Variants in DDX54 observed in about 807,000 individuals in gnomAD.
DDX54 encodes DEAD-box helicase 54, also known as ATP-dependent RNA helicase DDX54.
A neutral mutation model predicts 105.5 loss-of-function variants in DDX54; 67 were observed. The ratio of observed to expected loss-of-function variants is 0.64; its 90% CI spans 0.52 to 0.78. The LOEUF (loss-of-function observed/expected upper bound fraction) is 0.78. Ranked by LOEUF, DDX54 falls within the 30% of genes least tolerant of loss-of-function variation. DDX54 has a pLI of 0.00. For synonymous variants in DDX54, 514 were observed against 509.9 expected (o/e 1.01, Z -0.11); for missense variants, 1,206 against 1,230.5 (o/e 0.98, Z 0.30).
chr12:113,174,084 CAGG>C (rs1388240014), intron 10 of DDX54, among the ~76,000 whole-genome samples: 4 of 150,950 alleles, frequency 2.6e-5, no homozygotes, highest in Admixed American at 2.6e-4. Flanking sequence ...GAGGATGAGG[CAGG>C]AGAATCACTT....
Position 113,161,264 on chromosome 12 carries a change from T to G in DDX54, c.2413+6A>C, listed in dbSNP as rs1191982047. On this transcript the variant is annotated splice_donor_region_variant and intron_variant, in intron 19 of 19. Transcript: ENST00000306014. ...GTGCACCCACACTCCCCACCCTGGC[T>G]CTCACCTTGGCCACGGTCTCGCTTC... The G allele has an allele frequency of 5.6e-6, 9 of 1,609,140 alleles. No individual in the cohort carries two copies. Among genetic ancestry groups the G allele is most frequent in the Non-Finnish European group, 7.6e-6 (9 of 1,176,870 alleles).
At chr12:113,166,485 G>A (rs1402440179) in intron 12 of DDX54, among the ~76,000 whole-genome samples, 11 of 152,184 alleles carry the variant, frequency 7.2e-5, no homozygotes, top group African/African-American at 2.2e-4. Context: ...AGGATCACTT[G>A]AGGCCAGGAA....
At chr12:113,164,954 G>T (rs991196586) in intron 14 of DDX54, among the ~76,000 whole-genome samples, 13 of 150,318 alleles carry the variant, frequency 8.6e-5, no homozygotes, top group Non-Finnish European at 1.9e-4. Context: ...TTGAGCCCAG[G>T]AGGTCAAGGC....
intron 17 of DDX54, among the ~76,000 whole-genome samples, chr12:113,162,455 C>T (rs960352872): frequency 1.3e-5 from 2 of 152,200 alleles, no homozygotes; most frequent in Non-Finnish European, 2.9e-5. Flanking sequence ...ACAGCACAGC[C>T]AGGGGCCATC....
At chr12:113,179,114 C>T (rs1386339121) in intron 4 of DDX54, 29 bp downstream of exon 4, 2 of 1,613,482 alleles carry the variant, frequency 1.2e-6, no homozygotes, top group Admixed American at 1.7e-5. Context: ...CAGCCCTTGC[C>T]TCCAGCCTCT....
chr12:113,173,433 T>C (rs1011235415), intron 10 of DDX54, among the ~76,000 whole-genome samples: 1 of 152,204 alleles, frequency 6.6e-6, no homozygotes, highest in Non-Finnish European at 1.5e-5. Context: ...GGGAGTGTTG[T>C]TAACTGTGTG....
At chr12:113,174,537 G>A (rs1952375677) in intron 10 of DDX54, 103 bp downstream of exon 10, 8 of 1,473,234 alleles carry the variant, frequency 5.4e-6, no homozygotes, top group East Asian at 2.4e-5. Context: ...CCAGGCCCAG[G>A]CTCCTGGTCC....
At chr12:113,172,691 C>A in intron 10 of DDX54, 128 bp from the exon 11 acceptor site, 1 of 1,173,134 alleles carries the variant, frequency 8.5e-7, no homozygotes. Flanking sequence ...AGTCTGGCAC[C>A]CTTGGTCTGA....
chr12:113,178,981 C>T lies in DDX54; in HGVS notation c.610G>A (p.Asp204Asn), dbSNP rs1482760348. The change falls in exon 5 of 20, where the codon GAC becomes AAC. Residue 204 changes from aspartate (D) to asparagine (N), a missense_variant. Asp to Asn is a conservative substitution (Grantham distance 23, BLOSUM62 1). Coordinates refer to ENST00000306014, the MANE Select transcript of DDX54 (RefSeq NM_024072.4). Reference sequence around the variant, plus strand: ...CATGGGGTGCAGGGACCTTACCTGTCTCCACCCAGGATCAGGGCAGTCTTG... The same window carrying T: ...CATGGGGTGCAGGGACCTTACCTGTTTCCACCCAGGATCAGGGCAGTCTTG... The part of the protein sequence containing the change: ...GLKTALILGG[D>N]RMEDQFAALH... 1.9e-6 allele frequency: 3 copies of T among 1,614,080 alleles called. No individual in the cohort carries two copies. The highest frequency in any genetic ancestry group is 2.2e-5 in the East Asian group (1 of 44,888).
intron 1 of DDX54, among the ~76,000 whole-genome samples, chr12:113,182,345 G>A (rs766561181): frequency 3.9e-5 from 6 of 152,042 alleles, no homozygotes; most frequent in African/African-American, 7.2e-5. Flanking sequence ...AGTTTAGAAC[G>A]GTTTTTACTT....
chr12:113,170,177 G>A (rs747632263), intron 11 of DDX54, among the ~76,000 whole-genome samples: 7 of 152,192 alleles, frequency 4.6e-5, no homozygotes, highest in Non-Finnish European at 8.8e-5. Context: ...CCCCACTTTT[G>A]AGAATTCCCC....
At chr12:113,174,961 G>C (rs1390106060) in intron 8 of DDX54, 25 bp from the exon 9 acceptor site, 3 of 1,612,154 alleles carry the variant, frequency 1.9e-6, no homozygotes, top group African/African-American at 2.7e-5. Context: ...GGGGAAAGTG[G>C]GGGAGTCGCA....
At chr12:113,161,824 A>T in intron 18 of DDX54, 69 bp downstream of exon 18, 1 of 216,526 alleles carries the variant, frequency 4.6e-6, no homozygotes, top group Non-Finnish European at 8.2e-6. Context: ...CCCAGGTTCC[A>T]CTTAATTGAA....
chr12:113,164,224 C>T lies in DDX54; in HGVS notation c.1781G>A (p.Arg594Gln), dbSNP rs1430642592. ...DLCSQVMRAK[R>Q]QKDRKAIARF... ...GGCGATGGCCTTGCGGTCCTTCTGC[C>T]GCTTGGCGCGCATCACCTGGCTGCA... Residue 594 changes from arginine to glutamine, a missense_variant, in exon 15 of 20, where the codon CGG becomes CAG. By Grantham distance (43) the Arg-to-Gln change is conservative. Coordinates refer to ENST00000306014, the MANE Select transcript of DDX54 (RefSeq NM_024072.4). 8 of 1,590,470 alleles carry T rather than the reference C, an allele frequency of 5.0e-6. No homozygotes were observed. The highest frequency in any genetic ancestry group is 2.3e-5 in the South Asian group (2 of 87,706).
chr12:113,162,922 G>C lies in DDX54; in HGVS notation c.2195+10C>G. On this transcript the variant is annotated intron_variant, in intron 17 of 19. Coordinates refer to ENST00000306014, the MANE Select transcript of DDX54 (RefSeq NM_024072.4). ...CCGAGCATGGAGGGGCGGCTCACTC[G>C]ATCACTCACCACTTGAGCTGCTGCC... 1 of 1,579,448 alleles carries C rather than the reference G, an allele frequency of 6.3e-7. No individual in the cohort carries two copies. Among genetic ancestry groups the C allele is most frequent in the Non-Finnish European group, 8.6e-7 (1 of 1,168,024 alleles).
intron 3 of DDX54, among the ~76,000 whole-genome samples, chr12:113,179,686 G>A (rs1015556418): frequency 1.3e-5 from 2 of 152,186 alleles, no homozygotes; most frequent in African/African-American, 4.8e-5. Flanking sequence ...AGGTGGCTGG[G>A]AGCTGCCTGA....
intron 18 of DDX54, 56 bp downstream of exon 18, chr12:113,161,837 T>C: frequency 1.4e-6 from 1 of 731,142 alleles, no homozygotes. Context: ...TAATTGAAGC[T>C]GCTCCTGCTG....
intron 17 of DDX54, 28 bp downstream of exon 17, chr12:113,162,904 T>C (rs374538552): frequency 8.4e-6 from 13 of 1,550,182 alleles, no homozygotes; most frequent in South Asian, 6.1e-5. Context: ...ACCCCGAGCA[T>C]GGAGGGGCGG....
At chr12:113,161,868 T>G in intron 18 of DDX54, 25 bp downstream of exon 18, 1 of 1,341,166 alleles carries the variant, frequency 7.5e-7, no homozygotes, top group Non-Finnish European at 9.8e-7. Flanking sequence ...GCCCCGCCCC[T>G]CCCCAGCCAC....
Sources: gnomAD v4.1 joint callset for allele counts (sites outside exome capture counted in the v4.1 genomes callset) on GRCh38, gnomAD v4.1.1 for gene constraint, MANE v1.5 for transcripts, NCBI Gene and HGNC (gene_info 2026-07-23, HGNC 2026-07-21) for gene names.